ZNF83: variants seen among roughly 807,000 people sequenced by gnomAD.
The protein encoded by ZNF83 is zinc finger protein 83.
For missense variants in ZNF83, 552 were observed against 629.9 expected (o/e 0.88, Z 1.32); for synonymous variants, 209 against 213.0 (o/e 0.98, Z 0.17).
At chr19:52,673,473 A>G (rs1185837537) in intron 1 of ZNF83, among the ~76,000 whole-genome samples, 2 of 151,972 alleles carry the variant, frequency 1.3e-5, no homozygotes, top group Non-Finnish European at 2.9e-5. Context: ...ACTACACTCC[A>G]GGGTACACAA....
chr19:52,672,260 A>C (rs756114247), intron 1 of ZNF83, among the ~76,000 whole-genome samples: 2 of 152,192 alleles, frequency 1.3e-5, no homozygotes, highest in Non-Finnish European at 2.9e-5. Flanking sequence ...AAATAAAATG[A>C]AATTATAAAT....
At chr19:52,676,662 A>C in intron 1 of ZNF83, among the ~76,000 whole-genome samples, 1 of 141,684 alleles carries the variant, frequency 7.1e-6, no homozygotes. Context: ...CAGGATGACA[A>C]TGGCGGCTTT....
intron 1 of ZNF83, among the ~76,000 whole-genome samples, chr19:52,680,347 C>T (rs1020428557): frequency 2.6e-5 from 4 of 152,134 alleles, no homozygotes; most frequent in Non-Finnish European, 5.9e-5. Context: ...CTGTATAAAG[C>T]CCTCTGCGCA....
chr19:52,676,527 C>T (rs1238500679), intron 1 of ZNF83, among the ~76,000 whole-genome samples: 1 of 151,622 alleles, frequency 6.6e-6, no homozygotes, highest in East Asian at 1.9e-4. Context: ...CCCGGCCAGC[C>T]GCCCCGTCTG....
At chr19:52,619,515 A>G (rs1319282060) in intron 2 of ZNF83, among the ~76,000 whole-genome samples, 1 of 152,026 alleles carries the variant, frequency 6.6e-6, no homozygotes, top group Non-Finnish European at 1.5e-5. Flanking sequence ...AGTCTCAGCT[A>G]CTCAGGAGGC....
chr19:52,688,555 A>C (rs1600288270), intron 1 of ZNF83, among the ~76,000 whole-genome samples: 1 of 149,440 alleles, frequency 6.7e-6, no homozygotes, highest in East Asian at 2.0e-4. Context: ...CTCTTGTTTT[A>C]TTTTCCCCCG....
chr19:52,629,683 C>T (rs1446681075), intron 2 of ZNF83, among the ~76,000 whole-genome samples: 6 of 152,124 alleles, frequency 3.9e-5, no homozygotes, highest in African/African-American at 1.2e-4. Context: ...AACGTTTAGG[C>T]TCTTTTTCAT....
intron 1 of ZNF83, among the ~76,000 whole-genome samples, chr19:52,662,332 A>G (rs1298076824): frequency 6.6e-6 from 1 of 152,144 alleles, no homozygotes; most frequent in Non-Finnish European, 1.5e-5. Flanking sequence ...TCACCTATGG[A>G]AATGTGCATT....
intron 1 of ZNF83, among the ~76,000 whole-genome samples, chr19:52,663,386 G>A (rs2061604414): frequency 6.6e-6 from 1 of 152,170 alleles, no homozygotes; most frequent in Admixed American, 6.5e-5. Flanking sequence ...CTGAGCAAAT[G>A]TTTTCTTCAT....
chr19:52,623,380 A>T (rs2060619221), intron 2 of ZNF83, among the ~76,000 whole-genome samples: 1 of 152,154 alleles, frequency 6.6e-6, no homozygotes, highest in African/African-American at 2.4e-5. Context: ...CCTTGCCTCC[A>T]TAACTGTTGT....
At chr19:52,616,079 C>A (rs1568529396) in intron 2 of ZNF83, among the ~76,000 whole-genome samples, 1 of 152,314 alleles carries the variant, frequency 6.6e-6, no homozygotes, top group East Asian at 1.9e-4. Flanking sequence ...CTTAGGTGAT[C>A]CACCCACCTT....
chr19:52,672,678 C>A (rs970037398), intron 1 of ZNF83, among the ~76,000 whole-genome samples: 2 of 152,200 alleles, frequency 1.3e-5, no homozygotes, highest in African/African-American at 4.8e-5. Flanking sequence ...CGGCTCACTG[C>A]AACATCTGCC....
At chr19:52,619,188 TTTTTCACCACATG>T (rs2060438309) in intron 2 of ZNF83, 1 of 1,603,030 alleles carries the variant, frequency 6.2e-7, no homozygotes, top group Admixed American at 1.7e-5. Flanking sequence ...GAGTAAGGGA[TTTTTCACCACATG>T]ATGTCTTCCC....
intron 2 of ZNF83, among the ~76,000 whole-genome samples, chr19:52,634,434 T>G (rs1019019835): frequency 3.9e-5 from 6 of 152,168 alleles, no homozygotes; most frequent in African/African-American, 1.4e-4. Context: ...CTCCACGAGC[T>G]TAATGTGCTA....
intron 2 of ZNF83, among the ~76,000 whole-genome samples, chr19:52,630,701 C>A (rs1057392440): frequency 3.9e-5 from 6 of 152,052 alleles, no homozygotes; most frequent in African/African-American, 1.2e-4. Context: ...CTGGCAACTG[C>A]TCACATGCCC....
chr19:52,617,732 A>C (rs1329604952), intron 2 of ZNF83: 1 of 16,518 alleles, frequency 6.1e-5, no homozygotes, highest in African/African-American at 5.0e-4. Context: ...TTGTCTCAAA[A>C]AAAAAAAAAA....
intron 2 of ZNF83, chr19:52,618,892 T>C: frequency 2.6e-6 from 4 of 1,526,088 alleles, no homozygotes; most frequent in Non-Finnish European, 3.6e-6. Flanking sequence ...AATGCAAAGA[T>C]ACACAAGGGA....
At chr19:52,612,729 C>A in exon 3 of ZNF83, 1 of 425,546 alleles carries the variant, frequency 2.3e-6, no homozygotes. Flanking sequence ...CAATATTGTA[C>A]AATGTGAGAA....
chr19:52,683,228 CTGTGTGTGTG>C (rs67463602), intron 1 of ZNF83, among the ~76,000 whole-genome samples: 16,744 of 127,640 alleles, frequency 0.13, 1,174 homozygotes, highest in Non-Finnish European at 0.18. Context: ...CCCTGTGACT[CTGTGTGTGTG>C]TGTGTGTGTG....
Sources: gnomAD v4.1 joint callset for allele counts (sites outside exome capture counted in the v4.1 genomes callset) on GRCh38, gnomAD v4.1.1 for gene constraint, MANE v1.5 for transcripts, NCBI Gene and HGNC (gene_info 2026-07-23, HGNC 2026-07-21) for gene names.